SLC24A3: variants seen among roughly 807,000 people sequenced by gnomAD.
SLC24A3 encodes the protein sodium/potassium/calcium exchanger 3.
A neutral mutation model predicts 75.8 loss-of-function variants in SLC24A3; 28 were observed. The observed-to-expected ratio is 0.37, with a 90% confidence interval of 0.27 to 0.51. The LOEUF is 0.51. SLC24A3 is among the 20% of genes least tolerant of loss of function. The pLI is 0.94. For synonymous variants in SLC24A3, 372 were observed against 334.1 expected, an observed-to-expected ratio of 1.11 and a Z score of -1.24; for missense variants, 663 against 847.8, an observed-to-expected ratio of 0.78 and a Z score of 2.71.
intron 1 of SLC24A3, among the ~76,000 whole-genome samples, chr20:19,214,458 A>T (rs988807749): frequency 6.6e-6 from 1 of 152,014 alleles, no homozygotes; most frequent in East Asian, 1.9e-4. Flanking sequence ...CCAGTGAAAA[A>T]CCAGTTTATA....
At chr20:19,701,026 G>A (rs1249513909) in intron 15 of SLC24A3, among the ~76,000 whole-genome samples, 3 of 152,052 alleles carry the variant, frequency 2.0e-5, no homozygotes, top group Non-Finnish European at 4.4e-5. Context: ...TTTTTTACAT[G>A]GTTATTTGTC....
At chr20:19,374,724 A>G (rs1986051981) in intron 2 of SLC24A3, among the ~76,000 whole-genome samples, 1 of 152,188 alleles carries the variant, frequency 6.6e-6, no homozygotes, top group South Asian at 2.1e-4. Context: ...CACAGCTCTG[A>G]TCAGCAGCAG....
chr20:19,240,668 G>A (rs1982303894), intron 1 of SLC24A3, among the ~76,000 whole-genome samples: 1 of 152,192 alleles, frequency 6.6e-6, no homozygotes, highest in Non-Finnish European at 1.5e-5. Flanking sequence ...GGGAGGGAAG[G>A]AGGATAGGCT....
chr20:19,642,353 G>A (rs1202134520), intron 6 of SLC24A3, among the ~76,000 whole-genome samples: 2 of 152,232 alleles, frequency 1.3e-5, no homozygotes, highest in African/African-American at 2.4e-5. Context: ...GTTTTTGCAC[G>A]GATTCTTACA....
intron 2 of SLC24A3, among the ~76,000 whole-genome samples, chr20:19,419,665 T>C (rs1161772608): frequency 1.3e-5 from 2 of 152,006 alleles, no homozygotes; most frequent in African/African-American, 4.8e-5. Context: ...GCCTCCTGGG[T>C]AGGATCTTTG....
intron 2 of SLC24A3, among the ~76,000 whole-genome samples, chr20:19,505,987 C>T (rs1314759807): frequency 6.6e-6 from 1 of 152,156 alleles, no homozygotes; most frequent in Non-Finnish European, 1.5e-5. Flanking sequence ...TAGGTCCTTG[C>T]CCAATTTTAG....
chr20:19,688,058 C>G (rs2038410257), intron 12 of SLC24A3, among the ~76,000 whole-genome samples: 1 of 152,156 alleles, frequency 6.6e-6, no homozygotes, highest in Non-Finnish European at 1.5e-5. Context: ...CCCGTGGGGT[C>G]TCCATGTCAT....
chr20:19,570,107 A>T (rs2031028566), intron 3 of SLC24A3, among the ~76,000 whole-genome samples: 1 of 152,200 alleles, frequency 6.6e-6, no homozygotes, highest in African/African-American at 2.4e-5. Flanking sequence ...TGTGAGTTGT[A>T]CAAGCTTCTG....
chr20:19,295,947 T>C (rs1196796743), intron 2 of SLC24A3, among the ~76,000 whole-genome samples: 1 of 152,210 alleles, frequency 6.6e-6, no homozygotes, highest in African/African-American at 2.4e-5. Flanking sequence ...GGCTCCTCTT[T>C]GTACCTCTGG....
In SLC24A3 at chr20:19,489,134, T is replaced by C. The variant is rs534304562; in HGVS notation, c.272-26354T>C. ...CACCTAGCCTAATTCAATCTATACA[T>C]TCAGAACTCCTACAGCCTATAATTT... On this transcript the variant is annotated intron_variant, in intron 2 of 16. Transcript: ENST00000328041. 1.6e-4 allele frequency among the ~76,000 whole-genome samples: 25 copies of C among 152,334 alleles called. No homozygotes were observed. In the South Asian group the frequency reaches 5.0e-3, roughly 30 times the overall value.
chr20:19,447,093 G>T (rs1325959954), intron 2 of SLC24A3, among the ~76,000 whole-genome samples: 1 of 152,132 alleles, frequency 6.6e-6, no homozygotes, highest in African/African-American at 2.4e-5. Context: ...AGATAGATTT[G>T]AGTATCATCT....
intron 2 of SLC24A3, among the ~76,000 whole-genome samples, chr20:19,428,986 A>G (rs1044392725): frequency 2.0e-5 from 3 of 152,198 alleles, no homozygotes; most frequent in Non-Finnish European, 4.4e-5. Context: ...CCTTCTTTCC[A>G]TCTTTAGGTT....
chr20:19,230,480 C>T (rs368622869), intron 1 of SLC24A3, among the ~76,000 whole-genome samples: 3 of 152,110 alleles, frequency 2.0e-5, no homozygotes, highest in South Asian at 4.2e-4. Flanking sequence ...CTGGTTTGAT[C>T]CCTCCTGTGG....
chr20:19,549,655 G>A (rs753898919), intron 3 of SLC24A3, among the ~76,000 whole-genome samples: 1 of 152,102 alleles, frequency 6.6e-6, no homozygotes, highest in Non-Finnish European at 1.5e-5. Flanking sequence ...GTGTTGGCGG[G>A]CGTCTGTAAT....
Position 19,513,417 on chromosome 20 carries a change from G to T in SLC24A3, c.272-2071G>T, listed in dbSNP as rs552893455. ...TTGTGAGGATAAGATGGGATCACAG[G>T]GGCAAAGTGCAAGGTACAGTGCTTG... On this transcript the variant is annotated intron_variant, in intron 2 of 16. Coordinates refer to ENST00000328041, the MANE Select transcript of SLC24A3 (RefSeq NM_020689.4). Among the ~76,000 whole-genome samples, 153 of 152,286 alleles carry T rather than the reference G, an allele frequency of 1.0e-3. 1 individual carries two copies. The highest frequency in any genetic ancestry group is 1.7e-3 in the Non-Finnish European group (116 of 68,024).
At chr20:19,328,680 T>G (rs994542171) in intron 2 of SLC24A3, among the ~76,000 whole-genome samples, 1 of 151,964 alleles carries the variant, frequency 6.6e-6, no homozygotes, top group African/African-American at 2.4e-5. Context: ...GTGTCCTGTG[T>G]TGGAAGTGCT....
intron 2 of SLC24A3, among the ~76,000 whole-genome samples, chr20:19,311,343 A>G (rs1984453191): frequency 6.6e-6 from 1 of 152,118 alleles, no homozygotes; most frequent in Non-Finnish European, 1.5e-5. Flanking sequence ...GGCCCCACAC[A>G]GGAAATCAGG....
intron 2 of SLC24A3, among the ~76,000 whole-genome samples, chr20:19,510,376 C>T (rs143270004): frequency 2.0e-5 from 3 of 152,294 alleles, no homozygotes; most frequent in Admixed American, 6.5e-5. Context: ...CCACCTCCAC[C>T]CCATGCCCCA....
At chr20:19,488,818 CA>C (rs2122527801) in intron 2 of SLC24A3, among the ~76,000 whole-genome samples, 1 of 152,180 alleles carries the variant, frequency 6.6e-6, no homozygotes, top group East Asian at 1.9e-4. Context: ...TAATTTTATA[CA>C]ATTTCTTAAT....
Sources: gnomAD v4.1 joint callset for allele counts (sites outside exome capture counted in the v4.1 genomes callset) on GRCh38, gnomAD v4.1.1 for gene constraint, MANE v1.5 for transcripts, NCBI Gene and HGNC (gene_info 2026-07-23, HGNC 2026-07-21) for gene names.